The following SNX29 variants were observed in gnomAD, a reference collection of about 807,000 sequenced individuals.
The protein encoded by SNX29 is sorting nexin-29.
SNX29 carries 78 observed loss-of-function variants against 102.1 expected under a neutral mutation model. That is an observed-to-expected ratio of 0.76 (90% CI 0.64 to 0.92). SNX29 has a LOEUF of 0.92. SNX29 is among the 40% of genes least tolerant of loss of function. The pLI, the probability that SNX29 is intolerant of heterozygous loss-of-function variation, is 0.00. For synonymous variants in SNX29, 580 were observed against 414.5 expected (o/e 1.40, Z -4.85); for missense variants, 1,280 against 1,061.7 (o/e 1.21, Z -2.86).
At chr16:12,540,801 G>T (rs2077299541) in intron 20 of SNX29, among the ~76,000 whole-genome samples, 1 of 152,184 alleles carries the variant, frequency 6.6e-6, no homozygotes, top group Non-Finnish European at 1.5e-5. Context: ...ACTGCTCAAG[G>T]CTGAGGCATG....
intron 14 of SNX29, among the ~76,000 whole-genome samples, chr16:12,259,055 C>T (rs2078656738): frequency 6.6e-6 from 1 of 152,154 alleles, no homozygotes; most frequent in Admixed American, 6.5e-5. Flanking sequence ...CCCAGATTCC[C>T]CCTCCTCTCT....
At chr16:12,557,078 G>C (rs543132068) in intron 20 of SNX29, among the ~76,000 whole-genome samples, 96 of 145,990 alleles carry the variant, frequency 6.6e-4, no homozygotes, top group Non-Finnish European at 3.3e-4. Flanking sequence ...GAGTCTGCCA[G>C]GCTCAAGCCA....
chr16:11,978,530 C>G (rs1490484521), intron 1 of SNX29, among the ~76,000 whole-genome samples: 2 of 152,180 alleles, frequency 1.3e-5, no homozygotes, highest in African/African-American at 4.8e-5. Flanking sequence ...TTGTCAGAAT[C>G]TCAGAGCTGC....
At chr16:12,280,636 A>T (rs971488902) in intron 15 of SNX29, among the ~76,000 whole-genome samples, 1 of 152,112 alleles carries the variant, frequency 6.6e-6, no homozygotes. Context: ...ACTGCACCGG[A>T]TTGATTTTTC....
intron 15 of SNX29, among the ~76,000 whole-genome samples, chr16:12,353,718 C>T (rs1416072813): frequency 6.6e-6 from 1 of 152,286 alleles, no homozygotes; most frequent in East Asian, 1.9e-4. Flanking sequence ...CAGAGAAGGC[C>T]TGTGGGGACT....
chr16:12,191,681 CTT>C (rs1206343473), intron 13 of SNX29, among the ~76,000 whole-genome samples: 2 of 152,196 alleles, frequency 1.3e-5, no homozygotes, highest in Non-Finnish European at 2.9e-5. Context: ...TCAGAAGAGA[CTT>C]AACAGGAATA....
chr16:12,548,889 T>A (rs2077781861), intron 20 of SNX29, among the ~76,000 whole-genome samples: 1 of 152,206 alleles, frequency 6.6e-6, no homozygotes, highest in South Asian at 2.1e-4. Context: ...ACCCTACACA[T>A]AGCAGCACTC....
chr16:12,546,208 G>A (rs2077596489), intron 20 of SNX29: 1 of 152,180 alleles, frequency 6.6e-6, no homozygotes, highest in Non-Finnish European at 1.5e-5. Context: ...GAGGGACGTA[G>A]GAGGTACTCA....
At chr16:12,529,715 G>A (rs534090697) in intron 20 of SNX29, among the ~76,000 whole-genome samples, 63 of 152,142 alleles carry the variant, frequency 4.1e-4, no homozygotes, top group Middle Eastern at 3.4e-3. Flanking sequence ...TTAGGGTTGT[G>A]AAATATATCC....
intron 14 of SNX29, among the ~76,000 whole-genome samples, chr16:12,258,939 T>C (rs1043461407): frequency 1.3e-5 from 2 of 152,082 alleles, no homozygotes; most frequent in African/African-American, 4.8e-5. Context: ...TCATTCTCTC[T>C]CACTATGATA....
At chr16:12,188,599 C>A (rs1392071963) in intron 13 of SNX29, among the ~76,000 whole-genome samples, 1 of 152,144 alleles carries the variant, frequency 6.6e-6, no homozygotes, top group South Asian at 2.1e-4. Flanking sequence ...TGGGCTGTTT[C>A]TCTGGCTCTG....
At chr16:12,144,642 G>C (rs563540694) in intron 13 of SNX29, among the ~76,000 whole-genome samples, 6 of 152,372 alleles carry the variant, frequency 3.9e-5, no homozygotes, top group African/African-American at 1.4e-4. Flanking sequence ...TGTGAGAAAA[G>C]AAATTTCTGT....
At chr16:12,035,201 TC>T (rs1396615529) in intron 4 of SNX29, among the ~76,000 whole-genome samples, 2 of 143,038 alleles carry the variant, frequency 1.4e-5, no homozygotes, top group Admixed American at 7.3e-5. Flanking sequence ...CTTAGAAATT[TC>T]CCTTTTTTTT....
At chr16:12,351,524 C>G (rs1239396133) in intron 15 of SNX29, among the ~76,000 whole-genome samples, 3 of 152,128 alleles carry the variant, frequency 2.0e-5, no homozygotes, top group Non-Finnish European at 4.4e-5. Context: ...GCATGATTTA[C>G]TTGAATGTGA....
chr16:11,994,680 C>T (rs539814046), intron 1 of SNX29, among the ~76,000 whole-genome samples: 27 of 152,246 alleles, frequency 1.8e-4, no homozygotes, highest in Non-Finnish European at 8.8e-5. Context: ...GGTTGGGATT[C>T]GGTAGGTGGG....
chr16:12,368,249 CTTTA>C (rs1567487495), intron 16 of SNX29, among the ~76,000 whole-genome samples: 1 of 152,236 alleles, frequency 6.6e-6, no homozygotes, highest in Non-Finnish European at 1.5e-5. Context: ...AGCTGTGGAA[CTTTA>C]CACTTCCCTG....
At chr16:12,534,891 G>C (rs2077031074) in intron 20 of SNX29, among the ~76,000 whole-genome samples, 1 of 152,190 alleles carries the variant, frequency 6.6e-6, no homozygotes, top group Non-Finnish European at 1.5e-5. Context: ...AGAATCTAGT[G>C]GGTAGAGGCA....
chr16:12,396,722 C>T (rs552016524), intron 16 of SNX29, among the ~76,000 whole-genome samples: 2 of 152,302 alleles, frequency 1.3e-5, no homozygotes, highest in East Asian at 3.9e-4. Flanking sequence ...CCATCTCTGA[C>T]ACCTTGCTTT....
chr16:12,535,646 AG>A (rs1317477200), intron 20 of SNX29, among the ~76,000 whole-genome samples: 1 of 152,156 alleles, frequency 6.6e-6, no homozygotes, highest in African/African-American at 2.4e-5. Flanking sequence ...CTTACAGAGC[AG>A]TCTTGAATAT....
Sources: gnomAD v4.1 joint callset for allele counts (sites outside exome capture counted in the v4.1 genomes callset) on GRCh38, gnomAD v4.1.1 for gene constraint, MANE v1.5 for transcripts, NCBI Gene and HGNC (gene_info 2026-07-23, HGNC 2026-07-21) for gene names.